Variants in GOSR2 observed in about 807,000 individuals in gnomAD.
GOSR2 encodes golgi SNAP receptor complex member 2.
Under a neutral mutation model 27.9 loss-of-function variants are expected in GOSR2, and 20 were observed. The observed-to-expected ratio is 0.72, with a 90% CI of 0.50 to 1.04. The LOEUF is 1.04. GOSR2 is among the 50% of genes least tolerant of loss of function. The pLI, the probability that GOSR2 is intolerant of heterozygous loss-of-function variation, is 0.00. For missense variants in GOSR2, 261 were observed against 270.5 expected, an observed-to-expected ratio of 0.97 and a Z score of 0.25; for synonymous variants, 91 against 98.8, an observed-to-expected ratio of 0.92 and a Z score of 0.47.
At chr17:46,956,043 A>C (rs1421808432) in intron 6 of GOSR2, among the ~76,000 whole-genome samples, 2 of 152,188 alleles carry the variant, frequency 1.3e-5, no homozygotes, top group African/African-American at 4.8e-5. Flanking sequence ...CAAGACAGGA[A>C]GATACGGAGT....
exon 7 of GOSR2, chr17:46,966,976 G>A: frequency 3.1e-6 from 1 of 322,098 alleles, no homozygotes; most frequent in Non-Finnish European, 5.6e-6. Flanking sequence ...TTGCTTATTT[G>A]ATTAAATGTC....
intron 6 of GOSR2, chr17:46,964,755 G>A (rs1208227638): frequency 6.6e-6 from 1 of 152,216 alleles, no homozygotes; most frequent in Non-Finnish European, 1.5e-5. Flanking sequence ...GATACCTGGT[G>A]TCCATGACTT....
At chr17:46,943,980 C>T (rs1285729780), downstream of GOSR2, among the ~76,000 whole-genome samples, 1 of 152,104 alleles carries the variant, frequency 6.6e-6, no homozygotes, top group Non-Finnish European at 1.5e-5. Flanking sequence ...GAAGAGGGGG[C>T]TCTCGGAGGC....
At chr17:46,945,875 C>T (rs911510294), downstream of GOSR2, among the ~76,000 whole-genome samples, 4 of 152,286 alleles carry the variant, frequency 2.6e-5, no homozygotes, top group East Asian at 3.9e-4. Flanking sequence ...AACCCCTGAT[C>T]GCTGCCGGGT....
chr17:46,924,372 A>G (rs2086177988), intron 1 of GOSR2: 1 of 152,294 alleles, frequency 6.6e-6, no homozygotes, highest in Non-Finnish European at 1.5e-5. Context: ...GTTGATGGAC[A>G]CTTGAGTTGT....
intron 6 of GOSR2, among the ~76,000 whole-genome samples, chr17:46,974,876 A>T (rs2091431755): frequency 6.6e-6 from 1 of 152,138 alleles, no homozygotes; most frequent in African/African-American, 2.4e-5. Context: ...ACCTTCTTCG[A>T]GGGAGTGGAA....
At chr17:46,962,683 TC>T (rs2091132506) in intron 6 of GOSR2, among the ~76,000 whole-genome samples, 1 of 152,128 alleles carries the variant, frequency 6.6e-6, no homozygotes, top group Admixed American at 6.6e-5. Flanking sequence ...CTTCCAGCTG[TC>T]CCTGCCAAGG....
chr17:46,931,333 G>GTTTTGCATAGTCTATGACTATGC, intron 3 of GOSR2, 126 bp downstream of exon 3: 1 of 697,664 alleles, frequency 1.4e-6, no homozygotes, highest in South Asian at 1.6e-5. Flanking sequence ...ACTATGCAAA[G>GTTTTGCATAGTCTATGACTATGC]AAAAAGCCCC....
At chr17:46,925,338 C>T (rs1355432068) in intron 1 of GOSR2, among the ~76,000 whole-genome samples, 3 of 152,242 alleles carry the variant, frequency 2.0e-5, no homozygotes, top group Non-Finnish European at 4.4e-5. Context: ...CCCCGACACT[C>T]ATTAATTCAT....
rs547472507 is a variant in GOSR2, at chr17:46,959,589, T to G, written c.584-6945T>G. Among the ~76,000 whole-genome samples the G allele has an allele frequency of 3.9e-5, 6 of 152,360 alleles. No individual in the cohort carries two copies. The South Asian group carries it at 1.2e-3, about 32-fold the overall frequency. ...AGAGCTTATTACTATTATAAATGTT[T>G]AGCCATGTGATTTTTCCTCAAGAGG... On this transcript the variant is annotated intron_variant, in intron 6 of 6. Transcript: ENST00000573224.
intron 6 of GOSR2, chr17:46,963,998 G>A (rs1387930255): frequency 6.6e-6 from 1 of 152,114 alleles, no homozygotes; most frequent in Non-Finnish European, 1.5e-5. Context: ...CTTATTTTTT[G>A]TAGAGGGTCT....
chr17:46,940,638 G>T lies in GOSR2; in HGVS notation c.*1878G>T. The T allele has an allele frequency of 1.9e-6, 3 of 1,613,986 alleles. No homozygotes were observed. Among genetic ancestry groups the T allele is most frequent in the Non-Finnish European group, 2.5e-6 (3 of 1,179,990 alleles). ...AGCCATTTGTTCTTGAACTCTGGGA[G>T]GCAGAAGTCCCCGCACCCATCATGC... On this transcript the variant is annotated 3_prime_UTR_variant, in exon 6 of 6. Coordinates refer to ENST00000640051, the MANE Select transcript of GOSR2 (RefSeq NM_004287.5).
intron 1 of GOSR2, chr17:46,924,469 G>A (rs73985103): frequency 6.6e-6 from 1 of 152,036 alleles, no homozygotes; most frequent in Non-Finnish European, 1.5e-5. Flanking sequence ...ATTTTTTGAG[G>A]TATATACCTA....
chr17:46,939,678 C>G lies in GOSR2; in HGVS notation c.*918C>G. 1 of 985,398 alleles carries G rather than the reference C, an allele frequency of 1.0e-6. No individual in the cohort carries two copies. The highest frequency in any genetic ancestry group is 1.2e-6 in the Non-Finnish European group (1 of 829,864). The allele number at this position is 985,398 out of a possible 1,614,324, so 61.0% of individuals were successfully genotyped here. On this transcript the variant is annotated 3_prime_UTR_variant, in exon 6 of 6. Coordinates refer to ENST00000640051, the MANE Select transcript of GOSR2 (RefSeq NM_004287.5). ...AATATATTAGCACCTGCCAGCCAGG[C>G]CCTCATTTTGCCCAGCCAGTGTGGG...
chr17:46,950,672 C>G (rs1007364191), intron 6 of GOSR2, among the ~76,000 whole-genome samples: 1 of 152,144 alleles, frequency 6.6e-6, no homozygotes, highest in Non-Finnish European at 1.5e-5. Context: ...GGCTGCCCCA[C>G]CATCCTGCCT....
intron 4 of GOSR2, chr17:46,932,607 G>A (rs2146924377): frequency 2.6e-6 from 1 of 387,632 alleles, no homozygotes; most frequent in African/African-American, 2.0e-5. Flanking sequence ...GTATGTGTGT[G>A]GCTCCAGTGT....
Position 46,938,580 on chromosome 17 carries a change from C to G in GOSR2, c.478-19C>G. On this transcript the variant is annotated intron_variant, in intron 5 of 5. Coordinates refer to ENST00000640051, the MANE Select transcript of GOSR2 (RefSeq NM_004287.5). ...AGCGACTTGATGTTTGTTTTTTTTT[C>G]TGTTCTCTTCTGCCCCAGGGGACTC... The G allele has an allele frequency of 1.2e-6, 2 of 1,606,460 alleles. No individual in the cohort carries two copies. The highest frequency in any genetic ancestry group is 1.7e-6 in the Non-Finnish European group (2 of 1,175,312).
In GOSR2 at chr17:46,940,557, A is replaced by T; in HGVS notation, c.*1797A>T. 16 of 1,614,124 alleles carry T rather than the reference A, an allele frequency of 9.9e-6. No homozygotes were observed. The highest frequency in any genetic ancestry group is 1.4e-5 in the Non-Finnish European group (16 of 1,180,008). On this transcript the variant is annotated 3_prime_UTR_variant, in exon 6 of 6. Coordinates refer to ENST00000640051, the MANE Select transcript of GOSR2 (RefSeq NM_004287.5). Reference sequence around the variant, plus strand: ...GGCAAGGCTGTCCTGTCCCCCAGGCACCCAAGGATCCTGCCAGACAGCACA... The same window carrying T: ...GGCAAGGCTGTCCTGTCCCCCAGGCTCCCAAGGATCCTGCCAGACAGCACA...
rs1277117100 is a variant in GOSR2, at chr17:46,941,992, C to G, written c.*3232C>G. On this transcript the variant is annotated 3_prime_UTR_variant, in exon 6 of 6. Coordinates refer to ENST00000640051, the MANE Select transcript of GOSR2 (RefSeq NM_004287.5). ...TGTAAAGAGCAAAACTTGTTAAGTC[C>G]AAAATAAATTCTTACTGTTTATATC... 1.0e-6 allele frequency: 1 copy of G among 977,668 alleles called. No individual in the cohort carries two copies. The highest frequency in any genetic ancestry group is 1.8e-5 in the African/African-American group (1 of 57,034). The allele number at this position is 977,668 out of a possible 1,614,324, so 60.6% of individuals were successfully genotyped here.
Sources: allele counts gnomAD v4.1 joint callset (sites outside exome capture counted in the v4.1 genomes callset), GRCh38; gene constraint gnomAD v4.1.1; transcripts MANE v1.5; gene names NCBI Gene and HGNC (gene_info 2026-07-23, HGNC 2026-07-21).